DACH2: variants seen among roughly 807,000 people sequenced by gnomAD.
DACH2 encodes dachshund family transcription factor 2.
Under a neutral mutation model 35.8 loss-of-function variants are expected in DACH2, and 17 were observed. The observed-to-expected ratio is 0.48, with a 90% CI of 0.33 to 0.71. The LOEUF (loss-of-function observed/expected upper bound fraction) is 0.71, where lower values mean the gene tolerates loss of function less well. Among genes scored for constraint, DACH2 ranks in the 30% least tolerant of loss-of-function variants. DACH2 has a pLI of 0.02. For missense variants in DACH2, 469 were observed against 472.7 expected (o/e 0.99, Z 0.07); for synonymous variants, 195 against 177.3 (o/e 1.10, Z -0.79).
At chrX:86,510,686 C>A (rs1286200045) in intron 2 of DACH2, among the ~76,000 whole-genome samples, 2 of 111,178 alleles carry the variant, frequency 1.8e-5, no homozygotes, top group Non-Finnish European at 3.8e-5. Flanking sequence ...AGCTGAATCT[C>A]TCCAAGATTT....
chrX:86,367,932 C>T (rs781213431), intron 1 of DACH2, among the ~76,000 whole-genome samples: 1 of 111,280 alleles, frequency 9.0e-6, no homozygotes, highest in African/African-American at 3.3e-5. Flanking sequence ...ATTTTCATCT[C>T]CACCACCCTG....
chrX:86,327,034 A>T (rs746313520), intron 1 of DACH2, among the ~76,000 whole-genome samples: 1 of 112,204 alleles, frequency 8.9e-6, no homozygotes, highest in East Asian at 2.8e-4. Flanking sequence ...TTAAATCTGT[A>T]TGAGTGGATG....
At chrX:86,830,278 T>C (rs1283882647) in intron 11 of DACH2, 1 of 112,129 alleles carries the variant, frequency 8.9e-6, no homozygotes, top group African/African-American at 3.2e-5. Flanking sequence ...TCATTCAGCA[T>C]TGGCACATGT....
At chrX:86,418,580 C>G (rs755018214) in intron 2 of DACH2, among the ~76,000 whole-genome samples, 58 of 111,735 alleles carry the variant, frequency 5.2e-4, no homozygotes, top group Middle Eastern at 4.6e-3. Context: ...CTCAGGGCAG[C>G]TGAGATGCAG....
intron 6 of DACH2, among the ~76,000 whole-genome samples, chrX:86,733,005 G>T (rs2041548687): frequency 9.0e-6 from 1 of 111,294 alleles, no homozygotes; most frequent in Non-Finnish European, 1.9e-5. Flanking sequence ...GATGGGGGCT[G>T]GAGAAGGGTG....
chrX:86,541,096 AC>A (rs902943827), intron 3 of DACH2, among the ~76,000 whole-genome samples: 3 of 112,053 alleles, frequency 2.7e-5, no homozygotes, highest in African/African-American at 9.7e-5. Flanking sequence ...TAAATCAGAA[AC>A]ACATTCGTGT....
intron 1 of DACH2, among the ~76,000 whole-genome samples, chrX:86,203,450 C>CT (rs943068414): frequency 5.4e-5 from 6 of 110,795 alleles, no homozygotes; most frequent in South Asian, 7.4e-4. Flanking sequence ...TTGCCTTCAT[C>CT]TTTTTTTTCT....
At chrX:86,297,065 A>G (rs2034479717) in intron 1 of DACH2, among the ~76,000 whole-genome samples, 1 of 100,419 alleles carries the variant, frequency 1.0e-5, no homozygotes, top group Non-Finnish European at 2.0e-5. Flanking sequence ...ATATATATAT[A>G]TATATAATTA....
intron 3 of DACH2, among the ~76,000 whole-genome samples, chrX:86,615,633 C>T (rs1038659043): frequency 1.8e-5 from 2 of 111,332 alleles, no homozygotes; most frequent in African/African-American, 6.5e-5. Flanking sequence ...TGAAGATTTG[C>T]ACAAGATTAT....
intron 2 of DACH2, among the ~76,000 whole-genome samples, chrX:86,403,009 T>G (rs945483040): frequency 8.9e-6 from 1 of 111,930 alleles, no homozygotes; most frequent in Non-Finnish European, 1.9e-5. Flanking sequence ...GAGGCCTAAA[T>G]TTTACCATAT....
intron 3 of DACH2, among the ~76,000 whole-genome samples, chrX:86,548,995 C>T (rs1358573556): frequency 8.9e-6 from 1 of 111,788 alleles, no homozygotes; most frequent in African/African-American, 3.2e-5. Context: ...AAGATTTATT[C>T]TCCTATTAGA....
At chrX:86,441,696 T>C (rs1010850019) in intron 2 of DACH2, among the ~76,000 whole-genome samples, 1 of 109,992 alleles carries the variant, frequency 9.1e-6, no homozygotes, top group Non-Finnish European at 1.9e-5. Context: ...AGTAATTTTA[T>C]TTTTAATTAT....
intron 4 of DACH2, among the ~76,000 whole-genome samples, chrX:86,666,631 A>G: frequency 9.0e-6 from 1 of 111,598 alleles, no homozygotes; most frequent in Non-Finnish European, 1.9e-5. Flanking sequence ...CAGTTTTCTG[A>G]TGTGTAAAAT....
chrX:86,774,640 G>A (rs974666999), intron 7 of DACH2, among the ~76,000 whole-genome samples: 2 of 111,812 alleles, frequency 1.8e-5, no homozygotes, highest in Non-Finnish European at 3.8e-5. Context: ...TGAACACAAT[G>A]GTTCGGATCC....
intron 2 of DACH2, among the ~76,000 whole-genome samples, chrX:86,511,988 T>C (rs2038403485): frequency 8.9e-6 from 1 of 112,267 alleles, no homozygotes; most frequent in African/African-American, 3.2e-5. Context: ...GAAGGAATAT[T>C]TGGAAACTGT....
At chrX:86,710,224 GAACCTTA>G (rs1440982840) in intron 5 of DACH2, among the ~76,000 whole-genome samples, 1 of 112,253 alleles carries the variant, frequency 8.9e-6, no homozygotes, top group Admixed American at 9.5e-5. Context: ...AGACTTGGGT[GAACCTTA>G]AGCGGAAATT....
chrX:86,335,152 G>T (rs1407197690), intron 1 of DACH2, among the ~76,000 whole-genome samples: 1 of 111,714 alleles, frequency 9.0e-6, no homozygotes, highest in African/African-American at 3.3e-5. Flanking sequence ...TGCTGTTTTG[G>T]TTACTGTAGC....
In DACH2 at chrX:86,523,249, C is replaced by T. The variant is rs144088979; in HGVS notation, c.640+8858C>T. On this transcript the variant is annotated intron_variant, in intron 3 of 11. Coordinates refer to ENST00000373125, the MANE Select transcript of DACH2 (RefSeq NM_053281.3). The stretch of plus-strand genomic sequence containing the variant: ...AGCAAAACCAAAAGTAGAATTACAT[C>T]TAGTGTTGACAGTGTGAATTCAATC... 9.5e-3 allele frequency among the ~76,000 whole-genome samples: 1,058 copies of T among 111,377 alleles called. 6 individuals carry two copies. Among genetic ancestry groups the T allele is most frequent in the Non-Finnish European group, 0.013 (688 of 53,010 alleles).
chrX:86,533,036 G>GA (rs1401638098), intron 3 of DACH2, among the ~76,000 whole-genome samples: 85 of 103,687 alleles, frequency 8.2e-4, no homozygotes, highest in African/African-American at 2.8e-3. Flanking sequence ...AACTTACATT[G>GA]TTTTATTTAT....
Sources: gnomAD v4.1 joint callset for allele counts (sites outside exome capture counted in the v4.1 genomes callset) on GRCh38, gnomAD v4.1.1 for gene constraint, MANE v1.5 for transcripts, NCBI Gene and HGNC (gene_info 2026-07-23, HGNC 2026-07-21) for gene names.